Variants in EML4 observed in about 807,000 individuals in gnomAD.
EML4 encodes EMAP like 4.
A neutral mutation model predicts 129.0 loss-of-function variants in EML4; 72 were observed. That is an observed-to-expected ratio of 0.56 (90% confidence interval 0.46 to 0.68). The LOEUF is 0.68. Among genes scored for constraint, EML4 ranks in the 30% least tolerant of loss-of-function variants. The pLI, the probability that EML4 is intolerant of heterozygous loss-of-function variation, is 0.00. For synonymous variants in EML4, 532 were observed against 405.0 expected, an observed-to-expected ratio of 1.31 and a Z score of -3.77; for missense variants, 1,363 against 1,190.6, an observed-to-expected ratio of 1.14 and a Z score of -2.13.
At chr2:42,320,661 G>A (rs756377622) in intron 19 of EML4, among the ~76,000 whole-genome samples, 1 of 152,112 alleles carries the variant, frequency 6.6e-6, no homozygotes, top group Non-Finnish European at 1.5e-5. Flanking sequence ...GATGAGCATT[G>A]TGTATTTTCC....
At chr2:42,282,394 A>AGGGGTG (rs1667060067) in intron 7 of EML4, among the ~76,000 whole-genome samples, 1 of 33,856 alleles carries the variant, frequency 3.0e-5, no homozygotes, top group Non-Finnish European at 6.1e-5. Flanking sequence ...TTTTTGGTGG[A>AGGGGTG]GGGGTGGGGG....
chr2:42,182,059 G>A (rs1670975205), intron 1 of EML4, among the ~76,000 whole-genome samples: 1 of 148,434 alleles, frequency 6.7e-6, no homozygotes, highest in African/African-American at 2.5e-5. Flanking sequence ...CTTCCATTAT[G>A]CTTAATGTAT....
At chr2:42,310,584 G>T (rs1333005647) in intron 17 of EML4, among the ~76,000 whole-genome samples, 1 of 152,166 alleles carries the variant, frequency 6.6e-6, no homozygotes, top group Admixed American at 6.5e-5. Flanking sequence ...GACCTCAAGT[G>T]ATCTGCTTGT....
intron 1 of EML4, among the ~76,000 whole-genome samples, chr2:42,182,978 C>G (rs926035772): frequency 6.6e-6 from 1 of 152,066 alleles, no homozygotes; most frequent in East Asian, 1.9e-4. Flanking sequence ...CCACAGCCCA[C>G]TGCCTGTCTC....
At chr2:42,265,059 A>G (rs2104401100) in intron 6 of EML4, 1 of 1,065,088 alleles carries the variant, frequency 9.4e-7, no homozygotes, top group East Asian at 2.6e-5. Context: ...TAAAAAGGAA[A>G]TACAGTGATT....
At chr2:42,176,842 G>A (rs1670634341) in intron 1 of EML4, among the ~76,000 whole-genome samples, 1 of 152,022 alleles carries the variant, frequency 6.6e-6, no homozygotes, top group South Asian at 2.1e-4. Context: ...CGCCCAGGCT[G>A]GAGTGCAGTG....
intron 6 of EML4, among the ~76,000 whole-genome samples, chr2:42,279,776 C>CTTT (rs57713237): frequency 3.4e-4 from 51 of 150,808 alleles, no homozygotes; most frequent in South Asian, 6.3e-4. Flanking sequence ...GCCCGGCTGT[C>CTTT]TTTTTTTATT....
At chr2:42,198,385 T>G (rs1672019813) in intron 1 of EML4, among the ~76,000 whole-genome samples, 3 of 152,004 alleles carry the variant, frequency 2.0e-5, no homozygotes, top group Admixed American at 1.3e-4. Flanking sequence ...AGGCTTGGTG[T>G]TTAACTCAAG....
At chr2:42,273,594 C>G (rs1413733860) in intron 6 of EML4, among the ~76,000 whole-genome samples, 1 of 152,054 alleles carries the variant, frequency 6.6e-6, no homozygotes, top group African/African-American at 2.4e-5. Flanking sequence ...CTGTGCATCC[C>G]CCACCCCACT....
intron 1 of EML4, among the ~76,000 whole-genome samples, chr2:42,181,631 A>G (rs1380485494): frequency 1.3e-5 from 2 of 152,098 alleles, no homozygotes; most frequent in African/African-American, 4.8e-5. Context: ...ATAGTCCATT[A>G]CTATTTATTT....
intron 11 of EML4, among the ~76,000 whole-genome samples, chr2:42,294,335 C>T (rs1172416902): frequency 1.3e-5 from 2 of 152,094 alleles, no homozygotes; most frequent in Admixed American, 6.5e-5. Flanking sequence ...CAGTAGTGAC[C>T]ATTCTAAATC....
intron 17 of EML4, among the ~76,000 whole-genome samples, chr2:42,308,890 T>C (rs1320988089): frequency 6.6e-6 from 1 of 152,218 alleles, no homozygotes; most frequent in African/African-American, 2.4e-5. Flanking sequence ...TCAAGGTTTA[T>C]CCACGTTAAG....
In EML4 at chr2:42,326,184, G is replaced by C; in HGVS notation, c.2273G>C (p.Arg758Thr). 1 of 1,613,716 alleles carries C rather than the reference G, an allele frequency of 6.2e-7. No individual in the cohort carries two copies. The highest frequency in any genetic ancestry group is 8.5e-7 in the Non-Finnish European group (1 of 1,179,808). Residue 758 changes from arginine to threonine, a missense_variant, in exon 21 of 23, where the codon AGG becomes ACG. Arg to Thr is a moderately conservative substitution (Grantham distance 71). Transcript: ENST00000318522. Reference protein sequence around the residue: ...WDIPNGCKLIRNRSDCKDIDW... With the variant: ...WDIPNGCKLITNRSDCKDIDW... Reference sequence around the variant, plus strand: ...ATTCCAAATGGCTGCAAACTAATCAGGAATCGATCGGATTGTAAGGACATT... The same window carrying C: ...ATTCCAAATGGCTGCAAACTAATCACGAATCGATCGGATTGTAAGGACATT...
At position 42,261,226 on chromosome 2, in the gene EML4, G is replaced by A. The variant is rs1159797816; in HGVS notation, c.444G>A (p.Gln148=). The change falls in exon 4 of 23, where the codon CAG becomes CAA. Residue 148 remains glutamine, a synonymous_variant. Coordinates refer to ENST00000318522, the MANE Select transcript of EML4 (RefSeq NM_019063.5). ...AAATTCGAGCATCACCTTCTCCCCA[G>A]CCCTCTTCACAACCTCTCCAAATAC... is the stretch of plus-strand genomic sequence containing the variant. ...SPQIRASPSP[Q]PSSQPLQIHR... 3 of 1,613,794 alleles carry A rather than the reference G, an allele frequency of 1.9e-6. No individual in the cohort carries two copies. The highest frequency in any genetic ancestry group is 2.5e-6 in the Non-Finnish European group (3 of 1,179,966).
chr2:42,237,989 C>G (rs1212148516), intron 1 of EML4, among the ~76,000 whole-genome samples: 2 of 152,162 alleles, frequency 1.3e-5, no homozygotes, highest in Non-Finnish European at 2.9e-5. Flanking sequence ...AACCAGTTGT[C>G]CATGTGGGTG....
chr2:42,290,140 C>T (rs367762667), intron 11 of EML4, among the ~76,000 whole-genome samples: 1 of 151,706 alleles, frequency 6.6e-6, no homozygotes, highest in Admixed American at 6.6e-5. Flanking sequence ...GTATTGACTC[C>T]TGTTTAGGGA....
chr2:42,269,656 T>C (rs902975676), intron 6 of EML4, among the ~76,000 whole-genome samples: 4 of 152,148 alleles, frequency 2.6e-5, no homozygotes, highest in Non-Finnish European at 4.4e-5. Flanking sequence ...ATATGAAGTA[T>C]GTAGATAACT....
chr2:42,291,398 C>CTTTTTTT (rs5830720), intron 11 of EML4, among the ~76,000 whole-genome samples: 2 of 123,142 alleles, frequency 1.6e-5, no homozygotes, highest in African/African-American at 6.4e-5. Flanking sequence ...ATCAAGACAC[C>CTTTTTTT]TTTTTTTTTT....
At chr2:42,230,882 C>T (rs1312530231) in intron 1 of EML4, among the ~76,000 whole-genome samples, 1 of 152,128 alleles carries the variant, frequency 6.6e-6, no homozygotes, top group Admixed American at 6.5e-5. Flanking sequence ...CTATTTTAGC[C>T]CTTCACATCT....
Sources: gnomAD v4.1 joint callset for allele counts (sites outside exome capture counted in the v4.1 genomes callset) on GRCh38, gnomAD v4.1.1 for gene constraint, MANE v1.5 for transcripts, NCBI Gene and HGNC (gene_info 2026-07-23, HGNC 2026-07-21) for gene names.